The following CREB5 variants were observed in gnomAD, a reference collection of about 807,000 sequenced individuals.
The protein encoded by CREB5 is cyclic AMP-responsive element-binding protein 5.
CREB5 carries 19 observed loss-of-function variants against 57.1 expected under a neutral mutation model. The observed-to-expected ratio is 0.33, with a 90% CI of 0.23 to 0.49. CREB5 has a LOEUF of 0.49. Ranked by LOEUF, CREB5 falls within the 20% of genes least tolerant of loss-of-function variation. CREB5 has a pLI of 0.99. For synonymous variants in CREB5, 238 were observed against 238.3 expected, an observed-to-expected ratio of 1.00 and a Z score of 0.01; for missense variants, 579 against 671.6, an observed-to-expected ratio of 0.86 and a Z score of 1.52.
chr7:28,343,161 C>T (rs951548464), intron 1 of CREB5, among the ~76,000 whole-genome samples: 3 of 152,226 alleles, frequency 2.0e-5, no homozygotes, highest in East Asian at 3.9e-4. Flanking sequence ...AGGATGGTCT[C>T]GATCTCCTGA....
chr7:28,750,354 A>G (rs190487013), intron 7 of CREB5, among the ~76,000 whole-genome samples: 8 of 152,306 alleles, frequency 5.3e-5, no homozygotes, highest in Non-Finnish European at 8.8e-5. Flanking sequence ...TCACAAATGT[A>G]TGCATATCTT....
intron 1 of CREB5, among the ~76,000 whole-genome samples, chr7:28,314,702 G>A (rs750023809): frequency 1.3e-5 from 2 of 152,100 alleles, no homozygotes; most frequent in African/African-American, 2.4e-5. Context: ...AAACCAGAAG[G>A]GCACTTCCTG....
chr7:28,395,334 T>G (rs1394287546), intron 1 of CREB5, among the ~76,000 whole-genome samples: 1 of 152,216 alleles, frequency 6.6e-6, no homozygotes, highest in East Asian at 1.9e-4. Flanking sequence ...TGATACAAAC[T>G]TCCCTTTTAT....
chr7:28,686,568 G>A (rs1169599539), intron 5 of CREB5, among the ~76,000 whole-genome samples: 1 of 152,148 alleles, frequency 6.6e-6, no homozygotes. Flanking sequence ...AAACTCGGGC[G>A]AAGTTTCTTT....
At chr7:28,508,298 T>C (rs1470401261) in intron 4 of CREB5, among the ~76,000 whole-genome samples, 1 of 152,242 alleles carries the variant, frequency 6.6e-6, no homozygotes, top group Non-Finnish European at 1.5e-5. Flanking sequence ...ATATTCGGTG[T>C]TTATGGGAAT....
chr7:28,598,764 G>T (rs1796792512), intron 5 of CREB5, among the ~76,000 whole-genome samples: 1 of 152,144 alleles, frequency 6.6e-6, no homozygotes, highest in African/African-American at 2.4e-5. Context: ...ATGTTAAGAA[G>T]AGCGGCATAG....
intron 1 of CREB5, among the ~76,000 whole-genome samples, chr7:28,307,711 G>GT (rs1785213444): frequency 1.3e-5 from 2 of 152,208 alleles, no homozygotes; most frequent in South Asian, 4.1e-4. Flanking sequence ...TTGCAAACAT[G>GT]TATTTGCTGA....
intron 7 of CREB5, among the ~76,000 whole-genome samples, chr7:28,763,199 A>G (rs920553398): frequency 6.6e-5 from 10 of 152,332 alleles, no homozygotes; most frequent in African/African-American, 2.4e-4. Flanking sequence ...AAAAACATGC[A>G]AAGAAGAAAA....
At chr7:28,682,719 A>G (rs2128725110) in intron 5 of CREB5, among the ~76,000 whole-genome samples, 1 of 151,332 alleles carries the variant, frequency 6.6e-6, no homozygotes, top group Admixed American at 6.6e-5. Flanking sequence ...TCTAGGAAGG[A>G]TCTCCATTGT....
At chr7:28,803,877 G>A (rs1345224863) in intron 7 of CREB5, among the ~76,000 whole-genome samples, 4 of 151,814 alleles carry the variant, frequency 2.6e-5, no homozygotes, top group African/African-American at 4.8e-5. Flanking sequence ...TTGTAGATAC[G>A]ATATAATGCA....
chr7:28,722,463 A>G (rs1271502215), intron 6 of CREB5, among the ~76,000 whole-genome samples: 1 of 152,228 alleles, frequency 6.6e-6, no homozygotes. Flanking sequence ...TTTTAGAGCA[A>G]TGAAACTCTT....
At chr7:28,784,518 T>C (rs1807194925) in intron 7 of CREB5, among the ~76,000 whole-genome samples, 1 of 152,124 alleles carries the variant, frequency 6.6e-6, no homozygotes, top group African/African-American at 2.4e-5. Flanking sequence ...CTCCTGGTCT[T>C]CTCACTCTGG....
In CREB5 at chr7:28,685,566, T is replaced by C. The variant is rs551992494; in HGVS notation, c.465-33187T>C. On this transcript the variant is annotated intron_variant, in intron 5 of 10. Coordinates refer to ENST00000357727, the MANE Select transcript of CREB5 (RefSeq NM_182898.4). The stretch of plus-strand genomic sequence containing the variant: ...CCAAGCTGCTAACTGAGGTTAGTTT[T>C]TCACACTCAGACCTTCCAACCTGCC... Among the ~76,000 whole-genome samples the C allele has an allele frequency of 7.2e-5, 11 of 152,242 alleles. No individual in the cohort carries two copies. In the South Asian group the frequency reaches 8.3e-4, roughly 11 times the overall value.
chr7:28,825,014 T>A lies in CREB5; in HGVS notation c.*5735T>A, dbSNP rs559845251. On this transcript the variant is annotated 3_prime_UTR_variant, in exon 11 of 11. Coordinates refer to ENST00000357727, the MANE Select transcript of CREB5 (RefSeq NM_182898.4). The stretch of plus-strand genomic sequence containing the variant: ...ACATTGAGCTTCATATTATAGAACT[T>A]TATAGGATTGGATATTTTACAATAG... 1 of 152,722 alleles carries A rather than the reference T, an allele frequency of 6.5e-6. No homozygotes were observed. Among genetic ancestry groups the A allele is most frequent in the South Asian group, 2.1e-4 (1 of 4,824 alleles). 9.5% of individuals were successfully genotyped at this position (152,722 alleles called of 1,614,324 possible).
chr7:28,771,402 G>T (rs1806313212), intron 7 of CREB5, among the ~76,000 whole-genome samples: 1 of 152,124 alleles, frequency 6.6e-6, no homozygotes, highest in South Asian at 2.1e-4. Flanking sequence ...TGTGTTTTCT[G>T]GTTGTCCTCT....
At chr7:28,766,892 G>A (rs1279989013) in intron 7 of CREB5, among the ~76,000 whole-genome samples, 2 of 152,188 alleles carry the variant, frequency 1.3e-5, no homozygotes, top group African/African-American at 4.8e-5. Flanking sequence ...GATAACTCTT[G>A]GGGACAGGGT....
intron 7 of CREB5, among the ~76,000 whole-genome samples, chr7:28,753,348 G>T (rs1805092053): frequency 6.6e-6 from 1 of 152,004 alleles, no homozygotes; most frequent in South Asian, 2.1e-4. Flanking sequence ...TGTCTATACA[G>T]AATGTCCCTA....
chr7:28,574,765 T>C (rs1396918418), intron 5 of CREB5, among the ~76,000 whole-genome samples: 1 of 152,184 alleles, frequency 6.6e-6, no homozygotes, highest in Admixed American at 6.5e-5. Context: ...AGAGAATGAA[T>C]TGGCCAGCTG....
In CREB5 at chr7:28,553,827, G is replaced by A. The variant is rs191882703; in HGVS notation, c.292-16538G>A. 7.3e-4 allele frequency among the ~76,000 whole-genome samples: 111 copies of A among 152,372 alleles called. 1 individual carries two copies. Among genetic ancestry groups the A allele is most frequent in the African/African-American group, 2.5e-3 (105 of 41,590 alleles). ...TATAACTGGGCTATGCTTTGGGGAA[G>A]CTTGAAATGTCTTTCCAGAATAAAA... On this transcript the variant is annotated intron_variant, in intron 4 of 10. Transcript: ENST00000357727.
Sources: gnomAD v4.1 joint callset for allele counts (sites outside exome capture counted in the v4.1 genomes callset) on GRCh38, gnomAD v4.1.1 for gene constraint, MANE v1.5 for transcripts, NCBI Gene and HGNC (gene_info 2026-07-23, HGNC 2026-07-21) for gene names.